C2: variants seen among roughly 807,000 people sequenced by gnomAD.
C2 encodes the protein complement C2.
A neutral mutation model predicts 85.2 loss-of-function variants in C2; 64 were observed. That is an observed-to-expected ratio of 0.75 (90% CI 0.61 to 0.92). The LOEUF (loss-of-function observed/expected upper bound fraction) is 0.92, where lower values mean the gene tolerates loss of function less well. C2 is among the 40% of genes least tolerant of loss of function. C2 has a pLI of 0.00. For synonymous variants in C2, 311 were observed against 370.8 expected (o/e 0.84, Z 1.85); for missense variants, 820 against 971.6 (o/e 0.84, Z 2.07).
At chr6:31,916,753 T>TCC (rs1562565648), upstream of C2, among the ~76,000 whole-genome samples, 4 of 143,548 alleles carry the variant, frequency 2.8e-5, no homozygotes, top group African/African-American at 1.0e-4. Flanking sequence ...CTCTGCCCTT[T>TCC]TTTTTTTTTT....
At position 31,943,694 on chromosome 6, in the gene C2, A is replaced by T; in HGVS notation, c.1618A>T (p.Ile540Phe). The T allele has an allele frequency of 6.2e-7, 1 of 1,613,036 alleles. No individual in the cohort carries two copies. ...GKEFLIEKAV[I>F]SPGFDVFAKK... ...AGAATTCCTTATTGAGAAGGCGGTGATCTCCCCAGGGTTTGATGTCTTTGC... is the reference window on the plus strand; with the variant it reads ...AGAATTCCTTATTGAGAAGGCGGTGTTCTCCCCAGGGTTTGATGTCTTTGC... The change falls in exon 13 of 18, where the codon ATC (isoleucine) becomes TTC (phenylalanine). Residue 540 changes from isoleucine to phenylalanine, a missense_variant. Coordinates refer to ENST00000299367, the MANE Select transcript of C2 (RefSeq NM_000063.6). The surrounding 1 kb of genome is among the most constrained non-coding windows in gnomAD (Gnocchi z 6.4).
intron 1 of C2, among the ~76,000 whole-genome samples, chr6:31,902,957 A>G (rs1767466423): frequency 6.6e-6 from 1 of 152,134 alleles, no homozygotes; most frequent in Non-Finnish European, 1.5e-5. Flanking sequence ...CCTCTCCTCC[A>G]GACTGACAAG....
chr6:31,928,174 C>T lies in C2; in HGVS notation c.256+10C>T. 1 of 1,600,814 alleles carries T rather than the reference C, an allele frequency of 6.2e-7. No homozygotes were observed. On this transcript the variant is annotated intron_variant, in intron 2 of 17. Transcript: ENST00000299367. Reference sequence around the variant, plus strand: ...AAGGCGGTCTGCAAACGTGAGGCTCCCTGTGGGCTTTGCTCAGGGTGCTAC... The same window carrying T: ...AAGGCGGTCTGCAAACGTGAGGCTCTCTGTGGGCTTTGCTCAGGGTGCTAC...
intron 3 of C2, among the ~76,000 whole-genome samples, chr6:31,931,921 C>A (rs9267681): frequency 1.3e-5 from 1 of 74,334 alleles, no homozygotes; most frequent in Non-Finnish European, 3.2e-5. Flanking sequence ...TCCCGGACGG[C>A]GCGGCTGGCC....
rs1311004459 is a variant in C2, at chr6:31,933,961, A to G, written c.711A>G (p.Thr237=). The change falls in exon 5 of 18, where the codon ACA becomes ACG. Residue 237 remains threonine (T), a synonymous_variant. Coordinates refer to ENST00000299367, the MANE Select transcript of C2 (RefSeq NM_000063.6). ...MLGATNPTQK[T]KESLGRKIQI... is the part of the protein sequence containing the mutation. The stretch of plus-strand genomic sequence containing the variant: ...GGGCCACCAATCCCACCCAGAAGAC[A>G]AAGGGTGAGTGTTTGAGGTGGGGTT... The G allele has an allele frequency of 6.2e-7, 1 of 1,612,678 alleles. No homozygotes were observed. Among genetic ancestry groups the G allele is most frequent in the South Asian group, 1.1e-5 (1 of 91,070 alleles).
At chr6:31,914,322 G>A (rs564631205) in intron 1 of C2, among the ~76,000 whole-genome samples, 1 of 151,952 alleles carries the variant, frequency 6.6e-6, no homozygotes, top group South Asian at 2.1e-4. Context: ...GCCGGGCGCG[G>A]TGGCTCACTC....
At chr6:31,902,351 A>C (rs571346077) in intron 1 of C2, among the ~76,000 whole-genome samples, 4 of 151,060 alleles carry the variant, frequency 2.6e-5, no homozygotes, top group East Asian at 2.0e-4. Flanking sequence ...CCGGCTGCCC[A>C]TGGCGCTACT....
upstream of C2, among the ~76,000 whole-genome samples, chr6:31,925,067 G>A (rs1769182906): frequency 6.6e-6 from 1 of 152,144 alleles, no homozygotes; most frequent in Admixed American, 6.5e-5. Context: ...GGAAGGACCT[G>A]CTGTCCTACT....
At chr6:31,930,413 G>A (rs980661953) in intron 3 of C2, among the ~76,000 whole-genome samples, 1 of 152,110 alleles carries the variant, frequency 6.6e-6, no homozygotes, top group Non-Finnish European at 1.5e-5. Flanking sequence ...ACAGGATCTC[G>A]CTGTGTTGCC....
Position 31,921,078 on chromosome 6 carries a change from TG to T in C2, c.-100+1057del, listed in dbSNP as rs1768933428. ...AGTTAGTAGGCAGTGCCTGCTAGGA[TG>T]GGGGATGGTGTGTGTACCGAGGAAC... On this transcript the variant is annotated intron_variant, in intron 1 of 3. Coordinates refer to the C2 transcript ENST00000413154. This position sits in a 1 kb window ranked among gnomAD's most constrained non-coding sequence, Gnocchi z 4.6. 6.6e-6 allele frequency among the ~76,000 whole-genome samples: 1 copy of T among 152,096 alleles called. No homozygotes were observed. The highest frequency in any genetic ancestry group is 2.4e-5 in the African/African-American group (1 of 41,406).
At chr6:31,910,443 C>T (rs1472269990) in intron 1 of C2, among the ~76,000 whole-genome samples, 1 of 151,642 alleles carries the variant, frequency 6.6e-6, no homozygotes, top group Non-Finnish European at 1.5e-5. Context: ...ATCCTCCCAC[C>T]TCAGCCTCCA....
chr6:31,903,037 C>G (rs1767475129), intron 1 of C2, among the ~76,000 whole-genome samples: 1 of 152,148 alleles, frequency 6.6e-6, no homozygotes, highest in South Asian at 2.1e-4. Context: ...CTCTCTCAGA[C>G]TAAGTTATAG....
intron 1 of C2, among the ~76,000 whole-genome samples, chr6:31,905,276 A>G (rs1242846011): frequency 1.3e-5 from 2 of 151,828 alleles, no homozygotes; most frequent in Non-Finnish European, 2.9e-5. Flanking sequence ...TCTACAAATA[A>G]TAAGAAAATT....
At chr6:31,940,559 G>T (rs1263992741) in intron 9 of C2, among the ~76,000 whole-genome samples, 1 of 152,142 alleles carries the variant, frequency 6.6e-6, no homozygotes, top group East Asian at 1.9e-4. Context: ...CTGGTTTTGA[G>T]CCCCAACCTT....
At chr6:31,902,357 C>A (rs1476787407) in intron 1 of C2, among the ~76,000 whole-genome samples, 1 of 151,854 alleles carries the variant, frequency 6.6e-6, no homozygotes, top group African/African-American at 2.4e-5. Context: ...GCCCATGGCG[C>A]TACTCGCTCC....
chr6:31,925,108 C>T (rs192732703), upstream of C2, among the ~76,000 whole-genome samples: 7 of 152,148 alleles, frequency 4.6e-5, 1 homozygote, highest in South Asian at 6.2e-4. Context: ...AGCTGACTGC[C>T]GCTGCATGGA....
rs1167521768 is a variant in C2 at position 31,930,002 on chromosome 6, ACT to A, written c.442+1088_442+1089del. Among the ~76,000 whole-genome samples the A allele has an allele frequency of 2.2e-4, 32 of 146,678 alleles. No individual in the cohort carries two copies. The Admixed American group carries it at 2.2e-3, about 10-fold the overall frequency. On this transcript the variant is annotated intron_variant, in intron 3 of 17. Coordinates refer to ENST00000299367, the MANE Select transcript of C2 (RefSeq NM_000063.6). ...ACTCCAGCCTGGGTGACAGAGTGAG[ACT>A]CTGTCTCAAAACAAACAAACAAACA...
In C2 at chr6:31,935,939, T is replaced by G; in HGVS notation, c.866T>G (p.Ile289Ser). ...CCCGCACAGATCTTCAGCTTTGAGA[T>G]CAATGTGAGCGTTGCCATTATCACC... is the stretch of plus-strand genomic sequence containing the variant. The part of the protein sequence containing the change: ...LMVDRIFSFE[I>S]NVSVAIITFA... The change falls in exon 7 of 18, where the codon ATC becomes AGC. Residue 289 changes from isoleucine (I) to serine (S), a missense_variant. Physicochemically the swap from Ile to Ser is moderately radical, Grantham distance 142. Coordinates refer to ENST00000299367, the MANE Select transcript of C2 (RefSeq NM_000063.6). This position sits in a 1 kb window ranked among gnomAD's most constrained non-coding sequence, Gnocchi z 4.3. The G allele has an allele frequency of 3.1e-6, 5 of 1,612,972 alleles. No individual in the cohort carries two copies. The highest frequency in any genetic ancestry group is 3.4e-6 in the Non-Finnish European group (4 of 1,180,000).
Position 31,944,875 on chromosome 6 carries a change from G to A in C2, c.2029+22G>A, listed in dbSNP as rs776584975. 4.3e-6 allele frequency: 7 copies of A among 1,612,958 alleles called. No homozygotes were observed. Among genetic ancestry groups the A allele is most frequent in the Non-Finnish European group, 5.9e-6 (7 of 1,180,030 alleles). On this transcript the variant is annotated intron_variant, in intron 16 of 17. Coordinates refer to ENST00000299367, the MANE Select transcript of C2 (RefSeq NM_000063.6). The surrounding 1 kb of genome is among the most constrained non-coding windows in gnomAD (Gnocchi z 5.1). The stretch of plus-strand genomic sequence containing the variant: ...AAGGGTGAGTCCCTCACCATGCCTG[G>A]ATTCCCAAGGGGAAGGCCACCTGTG...
Sources: allele counts gnomAD v4.1 joint callset (sites outside exome capture counted in the v4.1 genomes callset), GRCh38; gene constraint gnomAD v4.1.1; non-coding constraint Gnocchi (gnomAD v3.1); transcripts MANE v1.5; gene names NCBI Gene and HGNC (gene_info 2026-07-23, HGNC 2026-07-21).